The following GRIN2C variants were observed in gnomAD, a reference collection of about 807,000 sequenced individuals.
GRIN2C encodes the protein glutamate ionotropic receptor NMDA type subunit 2C.
In GRIN2C, 64 loss-of-function variants were observed where a neutral mutation model predicts 77.7. The observed-to-expected ratio is 0.82, with a 90% CI of 0.67 to 1.01. GRIN2C has a LOEUF of 1.01. Among genes scored for constraint, GRIN2C ranks in the 50% least tolerant of loss-of-function variants. The pLI, the probability that GRIN2C is intolerant of heterozygous loss-of-function variation, is 0.00. For missense variants in GRIN2C, 1,549 were observed against 1,486.0 expected (o/e 1.04, Z -0.70); for synonymous variants, 792 against 643.4 (o/e 1.23, Z -3.49).
At chr17:74,848,843 C>T (rs1868459984) in intron 7 of GRIN2C, among the ~76,000 whole-genome samples, 1 of 152,134 alleles carries the variant, frequency 6.6e-6, no homozygotes, top group African/African-American at 2.4e-5. Context: ...ATAGTGAAAA[C>T]CTGTCTCTAC....
Position 74,843,505 on chromosome 17 carries a change from G to A in GRIN2C, c.2632C>T (p.Arg878Trp), listed in dbSNP as rs1481104250. Residue 878 changes from arginine to tryptophan, a missense_variant, in exon 13 of 13, where the codon CGG becomes TGG. Coordinates refer to ENST00000293190, the MANE Select transcript of GRIN2C (RefSeq NM_000835.6). ...SGVQSLASPPRQASPDLTASS... is the reference protein window; with the variant it reads ...SGVQSLASPPWQASPDLTASS... ...GCCGTGAGGTCCGGGCTGGCCTGCC[G>A]CGGTGGGCTGGCGAGGCTCTGCACC... is the stretch of plus-strand genomic sequence containing the variant. 3.3e-6 allele frequency: 5 copies of A among 1,533,614 alleles called. No individual in the cohort carries two copies. In the African/African-American group the frequency reaches 5.5e-5, roughly 17 times the overall value.
At chr17:74,861,507 C>G (rs1394860664), upstream of GRIN2C, 1 of 151,516 alleles carries the variant, frequency 6.6e-6, no homozygotes, top group African/African-American at 2.4e-5. Context: ...GAGCCTCGGC[C>G]CCGGAGGGCT....
chr17:74,843,416 C>T lies in GRIN2C; in HGVS notation c.2721G>A (p.Ala907=), dbSNP rs1283730880. The change falls in exon 13 of 13, where the codon GCG becomes GCA. Residue 907 remains alanine (A), a synonymous_variant. Coordinates refer to ENST00000293190, the MANE Select transcript of GRIN2C (RefSeq NM_000835.6). ...LQAARDMVTT[A]GVSSSLDRAT... ...CGCGGTCCAGGGAGCTGCTTACGCC[C>T]GCCGTGGTCACCATGTCGCGGGCTG... 20 of 1,535,934 alleles carry T rather than the reference C, an allele frequency of 1.3e-5. No homozygotes were observed. Among genetic ancestry groups the T allele is most frequent in the East Asian group, 2.4e-5 (1 of 40,874 alleles).
In GRIN2C at chr17:74,842,759, C is replaced by G. The variant is rs1353664516; in HGVS notation, c.3378G>C (p.Pro1126=). The G allele has an allele frequency of 1.4e-6, 1 of 690,522 alleles. No individual in the cohort carries two copies. 42.8% of individuals were successfully genotyped at this position (690,522 alleles called of 1,614,324 possible). ...RLAQAQSMCL[P]IYREACQEGE... ...CCTCCTGGCAGGCCTCCCGGTAGAT[C>G]GGCAAGCACATCGACTGCGCCTGCG... The change falls in exon 13 of 13, where the codon CCG becomes CCC. Residue 1126 remains proline (P), a synonymous_variant. Transcript: ENST00000293190.
In GRIN2C at chr17:74,847,811, G is replaced by A; in HGVS notation, c.1771+41C>T. 1 of 1,611,288 alleles carries A rather than the reference G, an allele frequency of 6.2e-7. No homozygotes were observed. Among genetic ancestry groups the A allele is most frequent in the Non-Finnish European group, 8.5e-7 (1 of 1,178,156 alleles). The stretch of plus-strand genomic sequence containing the variant: ...TGCCCCTGAGCCCAGCCCTCAGGGT[G>A]CCCAGGCCCACCCCTCCTGCCGGGC... On this transcript the variant is annotated intron_variant, in intron 8 of 12. Coordinates refer to ENST00000293190, the MANE Select transcript of GRIN2C (RefSeq NM_000835.6). The surrounding 1 kb of genome is among the most constrained non-coding windows in gnomAD (Gnocchi z 5.2).
At position 74,843,252 on chromosome 17, in the gene GRIN2C, G is replaced by A. The variant is rs1043380254; in HGVS notation, c.2885C>T (p.Pro962Leu). The A allele has an allele frequency of 2.8e-5, 21 of 758,106 alleles. No individual in the cohort carries two copies. In the Admixed American group the frequency reaches 7.8e-4, roughly 28 times the overall value. The allele number at this position is 758,106 out of a possible 1,614,324, so 47.0% of individuals were successfully genotyped here. The change falls in exon 13 of 13, where the codon CCG becomes CTG. Residue 962 changes from proline to leucine, a missense_variant. Around this residue, in one of 3 missense-constraint regions of GRIN2C, gnomAD observed 450 missense variants for 267.9 expected, o/e 1.68. Coordinates refer to ENST00000293190, the MANE Select transcript of GRIN2C (RefSeq NM_000835.6). ...PPEPSPTGWG[P>L]PDGGRAALVR... ...AAGCGCCGCGCGACCCCCGTCTGGC[G>A]GTCCCCAGCCCGTGGGGCTCGGCTC...
In GRIN2C at chr17:74,847,251, C is replaced by T. The variant is rs12941359; in HGVS notation, c.2001+57G>A. Reference sequence around the variant, plus strand: ...CGACTGTCCAGGGCCTGCCCACTCACGGCCTGTCCCCACCCTCAGTGCCCC... The same window carrying T: ...CGACTGTCCAGGGCCTGCCCACTCATGGCCTGTCCCCACCCTCAGTGCCCC... On this transcript the variant is annotated intron_variant, in intron 9 of 12. Transcript: ENST00000293190. This position sits in a 1 kb window ranked among gnomAD's most constrained non-coding sequence, Gnocchi z 5.2. 8 of 1,081,492 alleles carry T rather than the reference C, an allele frequency of 7.4e-6. No homozygotes were observed. The highest frequency in any genetic ancestry group is 3.1e-5 in the African/African-American group (2 of 63,654). 67.0% of individuals were successfully genotyped at this position (1,081,492 alleles called of 1,614,324 possible). A position where few individuals can be genotyped will look rare whatever the true frequency, so the allele number is the denominator to read the frequency against.
At chr17:74,845,971 G>T in intron 11 of GRIN2C, 95 bp downstream of exon 11, 2 of 1,181,102 alleles carry the variant, frequency 1.7e-6, no homozygotes, top group African/African-American at 1.5e-5. Flanking sequence ...ACCTCTCCCT[G>T]CTCACAGGCC....
chr17:74,842,812 C>T lies in GRIN2C; in HGVS notation c.3325G>A (p.Asp1109Asn), dbSNP rs2037331751. The T allele has an allele frequency of 5.4e-6, 3 of 554,004 alleles. No homozygotes were observed. Among genetic ancestry groups the T allele is most frequent in the Non-Finnish European group, 6.4e-6 (2 of 313,540 alleles). 34.3% of individuals were successfully genotyped at this position (554,004 alleles called of 1,614,324 possible). A position where few individuals can be genotyped will look rare whatever the true frequency, so the allele number is the denominator to read the frequency against. ...AAGCGCCTGCAGGCCGAGTGGCCGT[C>T]GGGGCGGGCGCAGGCGGGGCCGGTG... Reference protein sequence around the residue: ...GCTGPACARPDGHSACRRLAQ... With the variant: ...GCTGPACARPNGHSACRRLAQ... Residue 1109 changes from aspartate (D) to asparagine (N), a missense_variant, in exon 13 of 13, where the codon GAC becomes AAC. Physicochemically the swap from Asp to Asn is conservative, Grantham distance 23 (BLOSUM62 1). Coordinates refer to ENST00000293190, the MANE Select transcript of GRIN2C (RefSeq NM_000835.6).
rs2037687820 is a variant in GRIN2C, at chr17:74,852,461, CGCGCACGCCCT to C, written c.539_549del (p.Glu180GlyfsTer237). ...CTCACGTGGCTGGCGTCGGCGACGG[CGCGCACGCCCT>C]CCAGGAAGAGCGCGTGGCCCGGGTG... On this transcript the variant is annotated frameshift_variant, in exon 3 of 13. Transcript: ENST00000293190. LOFTEE classifies it high-confidence loss of function. 6.4e-7 allele frequency: 1 copy of C among 1,550,554 alleles called. No homozygotes were observed. The highest frequency in any genetic ancestry group is 1.8e-5 in the Admixed American group (1 of 54,132).
Position 74,842,841 on chromosome 17 carries a change from C to T in GRIN2C, c.3296G>A (p.Gly1099Glu), listed in dbSNP as rs1475898311. The T allele has an allele frequency of 1.2e-5, 7 of 590,284 alleles. No homozygotes were observed. The highest frequency in any genetic ancestry group is 2.1e-5 in the Non-Finnish European group (7 of 339,404). The allele number at this position is 590,284 out of a possible 1,614,324, so 36.6% of individuals were successfully genotyped here. A position where few individuals can be genotyped will look rare whatever the true frequency, so the allele number is the denominator to read the frequency against. ...AFARPSSLPA[G>E]CTGPACARPD... ...GCGGGCGCAGGCGGGGCCGGTGCAC[C>T]CAGCGGGCAGCGAGCTGGGCCGAGC... The change falls in exon 13 of 13, where the codon GGG becomes GAG. Residue 1099 changes from glycine to glutamate, a missense_variant. Physicochemically the swap from Gly to Glu is moderately conservative, Grantham distance 98. Transcript: ENST00000293190.
In GRIN2C at chr17:74,847,344, T is replaced by C. The variant is rs2037491637; in HGVS notation, c.1965A>G (p.Gln655=). The part of the protein sequence containing the change: ...ANLAAFMIQE[Q]YIDTVSGLSD... Reference sequence around the variant, plus strand: ...TGAGGCCCGACACAGTGTCGATGTATTGCTCTTGGATCATGAAGGCGGCCA... The same window carrying C: ...TGAGGCCCGACACAGTGTCGATGTACTGCTCTTGGATCATGAAGGCGGCCA... Residue 655 remains glutamine (Q), a synonymous_variant, in exon 9 of 13, where the codon CAA becomes CAG. Coordinates refer to ENST00000293190, the MANE Select transcript of GRIN2C (RefSeq NM_000835.6). This position sits in a 1 kb window ranked among gnomAD's most constrained non-coding sequence, Gnocchi z 5.2. 6.2e-6 allele frequency: 10 copies of C among 1,612,270 alleles called. No individual in the cohort carries two copies. In the East Asian group the frequency reaches 2.0e-4, roughly 32 times the overall value.
rs373072906 is a variant in GRIN2C, at chr17:74,859,503, C to T, written c.-16+241G>A. On this transcript the variant is annotated intron_variant, in intron 1 of 12. Transcript: ENST00000293190. This position sits in a 1 kb window ranked among gnomAD's most constrained non-coding sequence, Gnocchi z 5.9. ...CCCACCCACCAGCAGAACCCCCGGACCCCCTGCCCTTCCGGTGAGCCGCCC... is the reference window on the plus strand; with the variant it reads ...CCCACCCACCAGCAGAACCCCCGGATCCCCTGCCCTTCCGGTGAGCCGCCC... Among the ~76,000 whole-genome samples, 2,243 of 152,096 alleles carry T rather than the reference C, an allele frequency of 0.015. 23 individuals are homozygous for T. The highest frequency in any genetic ancestry group is 0.031 in the Middle Eastern group (9 of 294).
At position 74,847,033 on chromosome 17, in the gene GRIN2C, G is replaced by A. The variant is rs1308953023; in HGVS notation, c.2002-113C>T. 8.4e-7 allele frequency: 1 copy of A among 1,191,882 alleles called. No individual in the cohort carries two copies. Among genetic ancestry groups the A allele is most frequent in the Non-Finnish European group, 1.2e-6 (1 of 852,362 alleles). 73.8% of individuals were successfully genotyped at this position (1,191,882 alleles called of 1,614,324 possible). A position where few individuals can be genotyped will look rare whatever the true frequency, so the allele number is the denominator to read the frequency against. ...AGTGTGGACTTGCATAGTCAGAGCA[G>A]AAGGTCTTAAAGGCTGTCCAGGCCA... On this transcript the variant is annotated intron_variant, in intron 9 of 12. Transcript: ENST00000293190. The surrounding 1 kb of genome is among the most constrained non-coding windows in gnomAD (Gnocchi z 5.2).
In GRIN2C at chr17:74,854,791, G is replaced by A. The variant is rs1292490095; in HGVS notation, c.302C>T (p.Thr101Ile). 1.2e-6 allele frequency: 2 copies of A among 1,613,704 alleles called. No individual in the cohort carries two copies. Among genetic ancestry groups the A allele is most frequent in the African/African-American group, 2.7e-5 (2 of 74,910 alleles). Reference sequence around the variant, plus strand: ...GTCAAGGATCTGGGCCACCGCCTCGGTGTCCACGTTGTCCTCAAAGACAAT... The same window carrying A: ...GTCAAGGATCTGGGCCACCGCCTCGATGTCCACGTTGTCCTCAAAGACAAT... ...HGIVFEDNVD[T>I]EAVAQILDFI... The change falls in exon 2 of 13, where the codon ACC becomes ATC. Residue 101 changes from threonine to isoleucine, a missense_variant. Physicochemically the swap from Thr to Ile is moderately conservative, Grantham distance 89 (BLOSUM62 -1). Transcript: ENST00000293190.
chr17:74,846,641 C>G lies in GRIN2C; in HGVS notation c.2162+119G>C. ...TCCACTCTGCCCCAAGACCTCTTCC[C>G]TCCACCCCACAGGAGTCCTGCAGGA... On this transcript the variant is annotated intron_variant, in intron 10 of 12. Coordinates refer to ENST00000293190, the MANE Select transcript of GRIN2C (RefSeq NM_000835.6). This position sits in a 1 kb window ranked among gnomAD's most constrained non-coding sequence, Gnocchi z 4.4. The G allele has an allele frequency of 9.1e-7, 1 of 1,101,812 alleles. No individual in the cohort carries two copies. The highest frequency in any genetic ancestry group is 1.3e-6 in the Non-Finnish European group (1 of 772,578). 68.3% of individuals were successfully genotyped at this position (1,101,812 alleles called of 1,614,324 possible). A position where few individuals can be genotyped will look rare whatever the true frequency, so the allele number is the denominator to read the frequency against.
In GRIN2C at chr17:74,847,565, G is replaced by A. The variant is rs200603794; in HGVS notation, c.1772-28C>T. 5.4e-6 allele frequency: 8 copies of A among 1,492,470 alleles called. No homozygotes were observed. The East Asian group carries it at 1.8e-4, about 34-fold the overall frequency. 92.5% of individuals were successfully genotyped at this position (1,492,470 alleles called of 1,614,324 possible). A position where few individuals can be genotyped will look rare whatever the true frequency, so the allele number is the denominator to read the frequency against. On this transcript the variant is annotated intron_variant, in intron 8 of 12. Transcript: ENST00000293190. This position sits in a 1 kb window ranked among gnomAD's most constrained non-coding sequence, Gnocchi z 5.2. ...GGGGGCAAGAGGCGGGGGGATGCTG[G>A]AGCTCCTCCTGCCCACCATGAAAGG...
intron 1 of GRIN2C, among the ~76,000 whole-genome samples, chr17:74,858,661 C>CA (rs2037882848): frequency 6.7e-6 from 1 of 148,160 alleles, no homozygotes; most frequent in Non-Finnish European, 1.5e-5. Flanking sequence ...AGCCTTCCTC[C>CA]AGCCACTGCT....
At position 74,852,419 on chromosome 17, in the gene GRIN2C, C is replaced by G; in HGVS notation, c.592G>C (p.Val198Leu). Residue 198 changes from valine (V) to leucine (L), a missense_variant, in exon 3 of 13, where the codon GTG becomes CTG. Around this residue, in one of 3 missense-constraint regions of GRIN2C, gnomAD observed 382 missense variants for 360.0 expected, o/e 1.06. Transcript: ENST00000293190. ...ASHVSWRLLD[V>L]VTLELGPGGP... ...CCCGGGCCCAGCTCCAGCGTGACCACGTCCAGCAGCCGCCAACTCACGTGG... is the reference window on the plus strand; with the variant it reads ...CCCGGGCCCAGCTCCAGCGTGACCAGGTCCAGCAGCCGCCAACTCACGTGG... 6.6e-7 allele frequency: 1 copy of G among 1,512,388 alleles called. No homozygotes were observed. Among genetic ancestry groups the G allele is most frequent in the Non-Finnish European group, 8.8e-7 (1 of 1,138,502 alleles). 93.7% of individuals were successfully genotyped at this position (1,512,388 alleles called of 1,614,324 possible).
Sources: gnomAD v4.1 joint callset for allele counts (sites outside exome capture counted in the v4.1 genomes callset) on GRCh38, gnomAD v4.1.1 for gene constraint, gnomAD v4.1.1 regional missense constraint, Gnocchi (gnomAD v3.1) non-coding constraint, MANE v1.5 for transcripts, NCBI Gene and HGNC (gene_info 2026-07-23, HGNC 2026-07-21) for gene names.